STARD9: variants seen among roughly 807,000 people sequenced by gnomAD.
The protein encoded by STARD9 is stAR-related lipid transfer protein 9.
STARD9 carries 346 observed loss-of-function variants against 399.8 expected under a neutral mutation model. The observed-to-expected ratio is 0.87, with a 90% CI of 0.79 to 0.95. STARD9 has a LOEUF of 0.95. STARD9 is among the 40% of genes least tolerant of loss of function. STARD9 has a pLI of 0.00. For synonymous variants in STARD9, 2,203 were observed against 2,143.5 expected (o/e 1.03, Z -0.77); for missense variants, 5,832 against 5,667.5 (o/e 1.03, Z -0.93).
intron 3 of STARD9, among the ~76,000 whole-genome samples, chr15:42,596,896 T>C (rs1358311963): frequency 6.6e-6 from 1 of 152,226 alleles, no homozygotes; most frequent in Non-Finnish European, 1.5e-5. Context: ...GCCTTCCCTT[T>C]CTATACCTCC....
chr15:42,670,170 C>G (rs562902789), intron 16 of STARD9: 1 of 152,186 alleles, frequency 6.6e-6, no homozygotes, highest in South Asian at 2.1e-4. Flanking sequence ...TTCATTCAAC[C>G]CCAAATAAAC....
chr15:42,706,937 T>A (rs1201524026), intron 26 of STARD9, among the ~76,000 whole-genome samples: 1 of 152,226 alleles, frequency 6.6e-6, no homozygotes, highest in Non-Finnish European at 1.5e-5. Flanking sequence ...ATTCCTGGAA[T>A]AAATCCTATA....
At chr15:42,619,508 C>T (rs1015460636) in intron 3 of STARD9, among the ~76,000 whole-genome samples, 13 of 149,528 alleles carry the variant, frequency 8.7e-5, no homozygotes, top group African/African-American at 2.7e-4. Context: ...GAGCCAAGAT[C>T]GTGCCACTGC....
chr15:42,683,972 C>A, intron 22 of STARD9, 144 bp from the exon 23 acceptor site: 1 of 855,048 alleles, frequency 1.2e-6, no homozygotes, highest in Non-Finnish European at 1.7e-6. Flanking sequence ...CTAGAGTCCA[C>A]AATTTCCTTT....
At chr15:42,619,551 C>CAA (rs35639156) in intron 3 of STARD9, among the ~76,000 whole-genome samples, 1,990 of 135,078 alleles carry the variant, frequency 0.015, 30 homozygotes, top group African/African-American at 0.037. Flanking sequence ...AAGACTGTCT[C>CAA]AAAAAAAAAA....
chr15:42,712,073 T>TATATATATATATAAAATATAAATATATA (rs1566965844), intron 26 of STARD9, among the ~76,000 whole-genome samples: 2 of 3,042 alleles, frequency 6.6e-4, no homozygotes, highest in Non-Finnish European at 1.1e-3. Flanking sequence ...TTTATATATA[T>TATATATATATATAAAATATAAATATATA]ATATATATTA....
chr15:42,656,934 A>G (rs896994703), intron 9 of STARD9, among the ~76,000 whole-genome samples: 34 of 152,194 alleles, frequency 2.2e-4, no homozygotes, highest in Admixed American at 3.9e-4. Context: ...GGGTGCACCA[A>G]TATTTCAGAA....
Position 42,690,085 on chromosome 15 carries a change from A to C in STARD9, c.8507A>C (p.Gln2836Pro). The C allele has an allele frequency of 2.0e-6, 3 of 1,537,666 alleles. No individual in the cohort carries two copies. The highest frequency in any genetic ancestry group is 2.6e-6 in the Non-Finnish European group (3 of 1,147,002). ...TCAGGGCCTAAGCAAGACCATGTCC[A>C]ATGCCCTGAGGCTTCTACTGGCTTT... is the stretch of plus-strand genomic sequence containing the variant. ...SASGPKQDHV[Q>P]CPEASTGFEE... The change falls in exon 23 of 33, where the codon CAA (glutamine) becomes CCA (proline). Residue 2836 changes from glutamine (Q) to proline (P), a missense_variant. Around this residue, in one of 2 missense-constraint regions of STARD9, gnomAD observed 5,828 missense variants for 5,651.1 expected, o/e 1.03. Transcript: ENST00000290607.
Position 42,684,829 on chromosome 15 carries a change from C to G in STARD9, c.3251C>G (p.Thr1084Arg). Residue 1084 changes from threonine (T) to arginine (R), a missense_variant, in exon 23 of 33, where the codon ACA becomes AGA. Physicochemically the swap from Thr to Arg is moderately conservative, Grantham distance 71. This residue lies in a region of STARD9 where 5,828 missense variants were observed against 5,651.1 expected (regional missense o/e 1.03). Transcript: ENST00000290607. ...TRDPDTMVPL[T>R]DFSPVMDHSR... ...GACCCAGACACCATGGTCCCACTCA[C>G]AGATTTCAGCCCAGTAATGGATCAT... 6.5e-7 allele frequency: 1 copy of G among 1,537,222 alleles called. No individual in the cohort carries two copies.
chr15:42,579,508 A>G lies in STARD9; in HGVS notation c.47+3746A>G, dbSNP rs74244935. 3.9e-3 allele frequency among the ~76,000 whole-genome samples: 601 copies of G among 152,320 alleles called. 34 individuals carry two copies. In the East Asian group the frequency reaches 0.1, roughly 25 times the overall value. On this transcript the variant is annotated intron_variant, in intron 1 of 32. Coordinates refer to ENST00000290607, the MANE Select transcript of STARD9 (RefSeq NM_020759.3). Reference sequence around the variant, plus strand: ...AGAGGAGTGACAGATATTCTCAGATACTAACACTTGAGCTGTCTTTGATGT... The same window carrying G: ...AGAGGAGTGACAGATATTCTCAGATGCTAACACTTGAGCTGTCTTTGATGT...
chr15:42,691,260 C>T lies in STARD9; in HGVS notation c.9682C>T (p.Gln3228Ter), dbSNP rs1419528274. Residue 3228 changes from glutamine (Q) to a stop codon, truncating the protein, a stop_gained, in exon 23 of 33, where the codon CAG becomes TAG. Coordinates refer to ENST00000290607, the MANE Select transcript of STARD9 (RefSeq NM_020759.3). LOFTEE classifies it high-confidence loss of function. Reference sequence around the variant, plus strand: ...TTCAGGTGGTGGAGAAGGCTTCGCCCAGGGTGTGAATCCCCTTCCTGATGA... The same window carrying T: ...TTCAGGTGGTGGAGAAGGCTTCGCCTAGGGTGTGAATCCCCTTCCTGATGA... ...QASGGGEGFA[Q>*]GVNPLPDEDG... 1 of 1,537,228 alleles carries T rather than the reference C, an allele frequency of 6.5e-7. No individual in the cohort carries two copies. The highest frequency in any genetic ancestry group is 1.2e-5 in the South Asian group (1 of 84,068).
At chr15:42,631,409 C>T (rs974076038) in intron 3 of STARD9, among the ~76,000 whole-genome samples, 1 of 151,904 alleles carries the variant, frequency 6.6e-6, no homozygotes. Flanking sequence ...TGGTGAAACC[C>T]TGTCTCTACT....
chr15:42,663,287 A>T lies in STARD9; in HGVS notation c.875A>T (p.Asn292Ile). The T allele has an allele frequency of 6.5e-7, 1 of 1,531,520 alleles. No individual in the cohort carries two copies. The highest frequency in any genetic ancestry group is 8.8e-7 in the Non-Finnish European group (1 of 1,142,332). The allele number at this position is 1,531,520 out of a possible 1,614,324, so 94.9% of individuals were successfully genotyped here. ...TCTTTTTTCATCTTTTAAGCCCAGA[A>T]CTCCCAAGTTTTCAGCAGCTGCCAG... ...LGIVISTLAQ[N>I]SQVFSSCQSL... Residue 292 changes from asparagine (N) to isoleucine (I), a missense_variant, in exon 12 of 33, where the codon AAC becomes ATC. Asn to Ile is a moderately radical substitution (Grantham distance 149, BLOSUM62 -3). This residue lies in a region of STARD9 where 5,828 missense variants were observed against 5,651.1 expected (regional missense o/e 1.03). Transcript: ENST00000290607.
In STARD9 at chr15:42,682,487, C is replaced by A. The variant is rs2060453391; in HGVS notation, c.2449C>A (p.Pro817Thr). 4.6e-6 allele frequency: 7 copies of A among 1,537,194 alleles called. No individual in the cohort carries two copies. Among genetic ancestry groups the A allele is most frequent in the Middle Eastern group, 3.3e-4 (2 of 5,990 alleles). The change falls in exon 22 of 33, where the codon CCA becomes ACA. Residue 817 changes from proline to threonine, a missense_variant. Pro to Thr is a conservative substitution (Grantham distance 38, BLOSUM62 -1). This residue lies in a region of STARD9 where 5,828 missense variants were observed against 5,651.1 expected (regional missense o/e 1.03). Transcript: ENST00000290607. Reference protein sequence around the residue: ...YQVLSPDATVPRPPCRSKLTS... With the variant: ...YQVLSPDATVTRPPCRSKLTS... The stretch of plus-strand genomic sequence containing the variant: ...GGTCCTCAGCCCTGATGCCACAGTC[C>A]CACGGCCTCCATGTAGAAGCAAATT...
chr15:42,681,155 A>T (rs1474256568), intron 20 of STARD9, among the ~76,000 whole-genome samples: 1 of 152,148 alleles, frequency 6.6e-6, no homozygotes, highest in African/African-American at 2.4e-5. Flanking sequence ...TTTCCTGGTG[A>T]TTTTCCTTAA....
Position 42,717,993 on chromosome 15 carries a change from C to G in STARD9, c.13576C>G (p.Gln4526Glu), listed in dbSNP as rs981761149. Residue 4526 changes from glutamine (Q) to glutamate (E), a missense_variant, in exon 30 of 33, where the codon CAG becomes GAG. Around this residue, in one of 2 missense-constraint regions of STARD9, gnomAD observed 5,828 missense variants for 5,651.1 expected, o/e 1.03. Transcript: ENST00000290607. ...TCCCCCCAGCTATCAGGGTGAGGAGCAGGCGGTGCAGCTTTACTACAAGGT... is the reference window on the plus strand; with the variant it reads ...TCCCCCCAGCTATCAGGGTGAGGAGGAGGCGGTGCAGCTTTACTACAAGGT... ...TAGWNYQGEE[Q>E]AVQLYYKVFS... 1.5e-5 allele frequency: 23 copies of G among 1,537,054 alleles called. No individual in the cohort carries two copies. The highest frequency in any genetic ancestry group is 2.0e-5 in the Non-Finnish European group (23 of 1,146,880).
chr15:42,604,717 C>T (rs1362519671), intron 3 of STARD9, among the ~76,000 whole-genome samples: 3 of 130,244 alleles, frequency 2.3e-5, no homozygotes, highest in African/African-American at 8.6e-5. Context: ...GATCTTAGTT[C>T]ACTGCAGCCT....
chr15:42,612,147 T>G (rs2058863680), intron 3 of STARD9, among the ~76,000 whole-genome samples: 1 of 152,148 alleles, frequency 6.6e-6, no homozygotes, highest in South Asian at 2.1e-4. Context: ...CTGGCTAATC[T>G]TTATATTTTT....
Position 42,638,022 on chromosome 15 carries a change from G to GC in STARD9, c.385-3dup. ...ATGAAACCCCAACCCTCTGGTTTGTGCAGGGTCTCTTCGTCAGGGAGAAAG... is the reference window on the plus strand; with the variant it reads ...ATGAAACCCCAACCCTCTGGTTTGTGCCAGGGTCTCTTCGTCAGGGAGAAAG... On this transcript the variant is annotated splice_region_variant and splice_polypyrimidine_tract_variant and intron_variant, in intron 5 of 32. Transcript: ENST00000290607. 1 of 1,537,362 alleles carries GC rather than the reference G, an allele frequency of 6.5e-7. No individual in the cohort carries two copies. Among genetic ancestry groups the GC allele is most frequent in the African/African-American group, 1.4e-5 (1 of 73,142 alleles).
Sources: allele counts gnomAD v4.1 joint callset (sites outside exome capture counted in the v4.1 genomes callset), GRCh38; gene constraint gnomAD v4.1.1; regional missense constraint gnomAD v4.1.1; transcripts MANE v1.5; gene names NCBI Gene and HGNC (gene_info 2026-07-23, HGNC 2026-07-21).